Variants in LAMB4 observed in about 807,000 individuals in gnomAD.
LAMB4 encodes laminin subunit beta-4.
A neutral mutation model predicts 199.2 loss-of-function variants in LAMB4; 196 were observed. The observed-to-expected ratio is 0.98, with a 90% CI of 0.88 to 1.11. LAMB4 has a LOEUF of 1.11. LAMB4 is among the 50% of genes least tolerant of loss of function. The probability of loss-of-function intolerance (pLI) is 0.00; values close to 1 mark genes in which losing one functional copy is unlikely to be tolerated. For missense variants in LAMB4, 2,080 were observed against 2,171.2 expected, an observed-to-expected ratio of 0.96 and a Z score of 0.83; for synonymous variants, 744 against 770.6, an observed-to-expected ratio of 0.97 and a Z score of 0.57.
intron 10 of LAMB4, among the ~76,000 whole-genome samples, chr7:108,102,135 C>G (rs1042333242): frequency 2.6e-5 from 4 of 152,192 alleles, no homozygotes; most frequent in Admixed American, 1.3e-4. Context: ...CATAGATGCA[C>G]AAGGTCACAT....
At chr7:108,080,631 T>TA (rs2036895037) in intron 14 of LAMB4, among the ~76,000 whole-genome samples, 1 of 152,138 alleles carries the variant, frequency 6.6e-6, no homozygotes. Context: ...GATAAATGTT[T>TA]AGTAACAATT....
intron 31 of LAMB4, 63 bp downstream of exon 31, chr7:108,034,145 A>C: frequency 6.6e-7 from 1 of 1,506,904 alleles, no homozygotes. Flanking sequence ...GCATACATAA[A>C]AAGCACTGTG....
chr7:108,045,941 G>A (rs573522744), intron 28 of LAMB4, among the ~76,000 whole-genome samples: 12 of 151,698 alleles, frequency 7.9e-5, no homozygotes, highest in African/African-American at 2.9e-4. Context: ...GTGTGTGCAT[G>A]TGTGTGTGTG....
rs182386202 is a variant in LAMB4, at chr7:108,091,224, C to T, written c.1701+402G>A. 3.9e-5 allele frequency among the ~76,000 whole-genome samples: 6 copies of T among 152,222 alleles called. No homozygotes were observed. The South Asian group carries it at 6.2e-4, about 16-fold the overall frequency. On this transcript the variant is annotated intron_variant, in intron 14 of 33. Coordinates refer to ENST00000388781, the MANE Select transcript of LAMB4 (RefSeq NM_007356.3). ...ACAGTGTGTCAGGCACTGTGCTAGG[C>T]GCTAGTGCAACAATGATGAATGCTA...
intron 1 of LAMB4, among the ~76,000 whole-genome samples, chr7:108,124,461 T>C (rs2038708877): frequency 6.6e-6 from 1 of 152,148 alleles, no homozygotes; most frequent in Non-Finnish European, 1.5e-5. Flanking sequence ...ATATAAAGAT[T>C]GTATATATAT....
rs201899824 is a variant in LAMB4 at position 108,095,223 on chromosome 7, C to T, written c.1470+5G>A. 5.4e-4 allele frequency: 859 copies of T among 1,603,160 alleles called. 2 individuals carry two copies. Among genetic ancestry groups the T allele is most frequent in the Admixed American group, 1.6e-3 (93 of 59,988 alleles). On this transcript the variant is annotated splice_donor_5th_base_variant and intron_variant, in intron 12 of 33. Transcript: ENST00000388781. Reference sequence around the variant, plus strand: ...AGAAAAGGGAAACTATAGGCAAATACATACAGTGCATTCTTCGCAGTGTGC... The same window carrying T: ...AGAAAAGGGAAACTATAGGCAAATATATACAGTGCATTCTTCGCAGTGTGC...
chr7:108,058,630 G>C (rs1318987190), intron 23 of LAMB4, among the ~76,000 whole-genome samples: 2 of 152,174 alleles, frequency 1.3e-5, no homozygotes, highest in East Asian at 1.9e-4. Flanking sequence ...TTCTTAGAGT[G>C]ACTGGATCTG....
rs2038130501 is a variant in LAMB4 at position 108,109,170 on chromosome 7, C to T, written c.402+1G>A. ...GGGGCAGCAGGCCTATTAGTCTGTA[C>T]CTTAAAGGTCAGGATAAGGTGGCTG... On this transcript the variant is annotated splice_donor_variant, in intron 5 of 33. Coordinates refer to ENST00000388781, the MANE Select transcript of LAMB4 (RefSeq NM_007356.3). LOFTEE classifies it high-confidence loss of function. 1.2e-6 allele frequency: 2 copies of T among 1,606,574 alleles called. No homozygotes were observed. The highest frequency in any genetic ancestry group is 1.7e-6 in the Non-Finnish European group (2 of 1,173,430).
chr7:108,033,597 CG>C (rs1254388941), intron 31 of LAMB4, among the ~76,000 whole-genome samples: 2 of 151,896 alleles, frequency 1.3e-5, no homozygotes, highest in Non-Finnish European at 2.9e-5. Context: ...TTCATAGAGA[CG>C]GGGTTTCACC....
chr7:108,011,894 C>T, the LAMB4 span, among the ~76,000 whole-genome samples: 7 of 145,858 alleles, frequency 4.8e-5, no homozygotes, highest in African/African-American at 1.8e-4. Context: ...TATATATAAA[C>T]ACATATGAAT....
intron 33 of LAMB4, among the ~76,000 whole-genome samples, chr7:108,024,603 A>G (rs983440143): frequency 2.6e-5 from 4 of 152,162 alleles, no homozygotes; most frequent in African/African-American, 4.8e-5. Context: ...CTCCCTGCTG[A>G]TATTGAAGTC....
Position 108,043,834 on chromosome 7 carries a change from T to G in LAMB4, c.4389A>C (p.Lys1463Asn). The G allele has an allele frequency of 6.2e-7, 1 of 1,609,722 alleles. No homozygotes were observed. Among genetic ancestry groups the G allele is most frequent in the Non-Finnish European group, 8.5e-7 (1 of 1,177,922 alleles). ...CACTTTGGTTTCTTATATTTCCCAG[T>G]TTTTCCCTCAGCTGTAAGGCATTGT... ...SKNNALQLRE[K>N]LGNIRNQSDS... The change falls in exon 29 of 34, where the codon AAA becomes AAC. Residue 1463 changes from lysine to asparagine, a missense_variant. Lys to Asn is a moderately conservative substitution (Grantham distance 94). Coordinates refer to ENST00000388781, the MANE Select transcript of LAMB4 (RefSeq NM_007356.3).
chr7:108,112,881 GTAT>G, intron 3 of LAMB4, among the ~76,000 whole-genome samples: 3 of 152,340 alleles, frequency 2.0e-5, no homozygotes, highest in Admixed American at 2.0e-4. Context: ...CACGTTGCTT[GTAT>G]GTCCTAGCCA....
chr7:108,105,257 G>A (rs1271963627), intron 8 of LAMB4, among the ~76,000 whole-genome samples: 1 of 152,172 alleles, frequency 6.6e-6, no homozygotes, highest in Non-Finnish European at 1.5e-5. Context: ...CAAGATGAGA[G>A]AGATCTGCCA....
intron 14 of LAMB4, among the ~76,000 whole-genome samples, chr7:108,082,069 G>A (rs1452430433): frequency 3.3e-5 from 5 of 152,154 alleles, no homozygotes; most frequent in Admixed American, 6.5e-5. Context: ...GGTGGCTCAC[G>A]CCTGTAATCC....
chr7:108,067,541 T>G (rs1171788467), intron 19 of LAMB4, among the ~76,000 whole-genome samples: 1 of 152,244 alleles, frequency 6.6e-6, no homozygotes, highest in African/African-American at 2.4e-5. Flanking sequence ...ACAAGGCTGT[T>G]TGCAAACCTC....
At chr7:108,083,950 G>A (rs1249345315) in intron 14 of LAMB4, among the ~76,000 whole-genome samples, 1 of 152,240 alleles carries the variant, frequency 6.6e-6, no homozygotes, top group Non-Finnish European at 1.5e-5. Flanking sequence ...CAGACCAGTA[G>A]TCACAAGAAG....
At chr7:108,095,983 G>A (rs1196831387) in intron 11 of LAMB4, among the ~76,000 whole-genome samples, 1 of 152,178 alleles carries the variant, frequency 6.6e-6, no homozygotes, top group Non-Finnish European at 1.5e-5. Context: ...AAAAAATAAA[G>A]ACCGATGTAA....
At chr7:108,101,852 T>C (rs112328776) in intron 10 of LAMB4, among the ~76,000 whole-genome samples, 30 of 152,210 alleles carry the variant, frequency 2.0e-4, no homozygotes, top group African/African-American at 7.2e-4. Flanking sequence ...GTCCCAGTCC[T>C]GCAGGAAAAT....
Sources: gnomAD v4.1 joint callset for allele counts (sites outside exome capture counted in the v4.1 genomes callset) on GRCh38, gnomAD v4.1.1 for gene constraint, MANE v1.5 for transcripts, NCBI Gene and HGNC (gene_info 2026-07-23, HGNC 2026-07-21) for gene names.